Variants in GRM5 observed in about 807,000 individuals in gnomAD.
GRM5 encodes the protein glutamate metabotropic receptor 5, also known as metabotropic glutamate receptor 5.
A neutral mutation model predicts 83.1 loss-of-function variants in GRM5; 19 were observed. The ratio of observed to expected loss-of-function variants is 0.23; its 90% CI spans 0.16 to 0.34. The LOEUF (loss-of-function observed/expected upper bound fraction) is 0.34. Among genes scored for constraint, GRM5 ranks in the 10% least tolerant of loss-of-function variants. The pLI is 1.00. For missense variants in GRM5, 1,160 were observed against 1,588.3 expected (o/e 0.73, Z 4.58); for synonymous variants, 675 against 633.6 (o/e 1.07, Z -0.98).
At chr11:88,512,021 A>T (rs899572579) in intron 9 of GRM5, 2 of 152,234 alleles carry the variant, frequency 1.3e-5, no homozygotes, top group African/African-American at 4.8e-5. Flanking sequence ...TGCAAACACT[A>T]GCTTTTAAAA....
intron 2 of GRM5, among the ~76,000 whole-genome samples, chr11:89,036,528 T>C (rs933771441): frequency 6.6e-6 from 1 of 152,104 alleles, no homozygotes; most frequent in Non-Finnish European, 1.5e-5. Flanking sequence ...TGTGCCAAGC[T>C]TGATACTAAG....
chr11:88,834,895 G>C (rs1231722741), intron 3 of GRM5, among the ~76,000 whole-genome samples: 1 of 152,060 alleles, frequency 6.6e-6, no homozygotes, highest in Non-Finnish European at 1.5e-5. Context: ...CTACTTTTTC[G>C]ATTTTAGGGT....
At chr11:88,980,688 T>A (rs1939493143) in intron 2 of GRM5, among the ~76,000 whole-genome samples, 3 of 152,026 alleles carry the variant, frequency 2.0e-5, no homozygotes, top group Admixed American at 2.0e-4. Flanking sequence ...TCGGGCGTGG[T>A]GGCAGGTGCC....
At chr11:88,880,210 G>T (rs1324680105) in intron 2 of GRM5, among the ~76,000 whole-genome samples, 1 of 152,064 alleles carries the variant, frequency 6.6e-6, no homozygotes. Flanking sequence ...GAGAGAAAAG[G>T]AGCATGAAAT....
At chr11:88,911,014 A>T (rs764952048) in intron 2 of GRM5, among the ~76,000 whole-genome samples, 1 of 152,168 alleles carries the variant, frequency 6.6e-6, no homozygotes, top group Non-Finnish European at 1.5e-5. Context: ...ATGCTCTAAA[A>T]TAACAAGCGA....
chr11:88,904,346 A>T (rs1945368758), intron 2 of GRM5, among the ~76,000 whole-genome samples: 3 of 152,160 alleles, frequency 2.0e-5, no homozygotes, highest in South Asian at 4.1e-4. Flanking sequence ...AACCAAAGAT[A>T]ATTTATTTAT....
At chr11:88,752,485 C>T (rs1382489746) in intron 3 of GRM5, among the ~76,000 whole-genome samples, 1 of 152,178 alleles carries the variant, frequency 6.6e-6, no homozygotes, top group Non-Finnish European at 1.5e-5. Context: ...ATTCCATGCT[C>T]ATGGATAGGA....
Position 88,533,594 on chromosome 11 carries a change from C to T in GRM5, c.2631-8190G>A, listed in dbSNP as rs1942066490. Among the ~76,000 whole-genome samples the T allele has an allele frequency of 2.6e-5, 4 of 152,096 alleles. No individual in the cohort carries two copies. The South Asian group carries it at 8.3e-4, about 32-fold the overall frequency. Reference sequence around the variant, plus strand: ...TGCAAGCTCTATGAAGGCATGGGTTCTGAACCGTATGCTTCACTGCTATCT... The same window carrying T: ...TGCAAGCTCTATGAAGGCATGGGTTTTGAACCGTATGCTTCACTGCTATCT... On this transcript the variant is annotated intron_variant, in intron 8 of 9. Coordinates refer to ENST00000305447, the MANE Select transcript of GRM5 (RefSeq NM_001143831.3).
intron 3 of GRM5, among the ~76,000 whole-genome samples, chr11:88,826,639 G>A (rs1348989720): frequency 6.6e-6 from 1 of 151,918 alleles, no homozygotes; most frequent in Non-Finnish European, 1.5e-5. Context: ...GGACAAGAAG[G>A]ATTAAATGGC....
intron 3 of GRM5, among the ~76,000 whole-genome samples, chr11:88,706,326 A>G (rs1318172412): frequency 6.6e-6 from 1 of 152,018 alleles, no homozygotes; most frequent in East Asian, 1.9e-4. Flanking sequence ...CTTCTCTACT[A>G]TCCAGGCACA....
chr11:88,897,212 A>G (rs1261847986), intron 2 of GRM5, among the ~76,000 whole-genome samples: 1 of 151,932 alleles, frequency 6.6e-6, no homozygotes, highest in Non-Finnish European at 1.5e-5. Context: ...AACTCTTAAC[A>G]GGCAAGAAAA....
intron 2 of GRM5, among the ~76,000 whole-genome samples, chr11:88,868,232 A>C (rs1944704423): frequency 6.6e-6 from 1 of 151,906 alleles, no homozygotes; most frequent in Non-Finnish European, 1.5e-5. Context: ...GTAGGCAATC[A>C]TAAAGAGCTC....
chr11:88,575,880 A>G (rs1943099680), intron 7 of GRM5, among the ~76,000 whole-genome samples: 1 of 152,090 alleles, frequency 6.6e-6, no homozygotes, highest in South Asian at 2.1e-4. Flanking sequence ...TCCTTCACAG[A>G]GCTGAAAATT....
intron 2 of GRM5, among the ~76,000 whole-genome samples, chr11:88,918,198 A>T (rs879652128): frequency 5.3e-5 from 8 of 151,894 alleles, no homozygotes; most frequent in Non-Finnish European, 8.8e-5. Context: ...GAAGGAAAAA[A>T]AAAAAACAAA....
At chr11:89,028,606 C>T (rs1941187224) in intron 2 of GRM5, among the ~76,000 whole-genome samples, 1 of 152,082 alleles carries the variant, frequency 6.6e-6, no homozygotes, top group South Asian at 2.1e-4. Flanking sequence ...AAGACAAAAA[C>T]AAATCCAAAA....
chr11:88,993,097 C>A (rs971283619), intron 2 of GRM5, among the ~76,000 whole-genome samples: 9 of 150,654 alleles, frequency 6.0e-5, no homozygotes, highest in Non-Finnish European at 1.5e-5. Context: ...AAACCCACCT[C>A]TACTGAAAAT....
At chr11:88,724,197 G>T (rs1363691595) in intron 3 of GRM5, among the ~76,000 whole-genome samples, 2 of 152,030 alleles carry the variant, frequency 1.3e-5, no homozygotes, top group African/African-American at 4.8e-5. Flanking sequence ...CATGAGTGTT[G>T]TTACTAATCT....
chr11:88,973,962 G>C (rs1939246415), intron 2 of GRM5, among the ~76,000 whole-genome samples: 1 of 152,056 alleles, frequency 6.6e-6, no homozygotes, highest in Admixed American at 6.6e-5. Context: ...AACATGAAAT[G>C]GGAGGAAGAT....
At chr11:88,742,880 ACCCCCTACC>A (rs1942057748) in intron 3 of GRM5, among the ~76,000 whole-genome samples, 1 of 151,842 alleles carries the variant, frequency 6.6e-6, no homozygotes, top group Admixed American at 6.6e-5. Context: ...ACCATCTAAG[ACCCCCTACC>A]CCAGTCAGAA....
Sources: allele counts gnomAD v4.1 joint callset (sites outside exome capture counted in the v4.1 genomes callset), GRCh38; gene constraint gnomAD v4.1.1; transcripts MANE v1.5; gene names NCBI Gene and HGNC (gene_info 2026-07-23, HGNC 2026-07-21).